C1orf174: variants seen among roughly 807,000 people sequenced by gnomAD.
C1orf174 encodes UPF0688 protein C1orf174.
Under a neutral mutation model 18.4 loss-of-function variants are expected in C1orf174, and 13 were observed. The observed-to-expected ratio is 0.71, with a 90% confidence interval of 0.46 to 1.12. The LOEUF (loss-of-function observed/expected upper bound fraction) is 1.12. Ranked by LOEUF, C1orf174 falls within the 50% of genes most tolerant of loss-of-function variation. The probability of loss-of-function intolerance (pLI) is 0.00; values close to 1 mark genes in which losing one functional copy is unlikely to be tolerated. For missense variants in C1orf174, 309 were observed against 308.0 expected (o/e 1.00, Z -0.02); for synonymous variants, 100 against 118.3 (o/e 0.85, Z 1.01).
chr1:3,897,123 C>G (rs1355517314), intron 1 of C1orf174, among the ~76,000 whole-genome samples: 1 of 152,026 alleles, frequency 6.6e-6, no homozygotes, highest in Non-Finnish European at 1.5e-5. Context: ...ATAATTCCAA[C>G]AAAAAATTAT....
chr1:3,890,568 C>G lies in C1orf174; in HGVS notation c.618+1G>C. The G allele has an allele frequency of 1.2e-6, 2 of 1,613,920 alleles. No homozygotes were observed. The highest frequency in any genetic ancestry group is 2.2e-5 in the South Asian group (2 of 91,080). Reference sequence around the variant, plus strand: ...CGGGAGGAGGAAGGCGCCGCTCTTACCTGCATGAGCTCAACGTTTCCAAAG... The same window carrying G: ...CGGGAGGAGGAAGGCGCCGCTCTTAGCTGCATGAGCTCAACGTTTCCAAAG... On this transcript the variant is annotated splice_donor_variant, in intron 3 of 3. Transcript: ENST00000361605. LOFTEE classifies it high-confidence loss of function.
chr1:3,894,762 C>A (rs1325556270), intron 1 of C1orf174, among the ~76,000 whole-genome samples: 1 of 152,162 alleles, frequency 6.6e-6, no homozygotes, highest in Non-Finnish European at 1.5e-5. Flanking sequence ...CAGGCAGCAG[C>A]CCACCGGAGG....
intron 2 of C1orf174, 48 bp downstream of exon 2, chr1:3,892,834 TG>T: frequency 4.4e-6 from 7 of 1,592,832 alleles, no homozygotes; most frequent in Non-Finnish European, 6.0e-6. Context: ...TGTATAAAAA[TG>T]GACCCTCGAG....
At position 3,890,597 on chromosome 1, in the gene C1orf174, C is replaced by T. The variant is rs776552583; in HGVS notation, c.590G>A (p.Arg197Gln). 1.1e-5 allele frequency: 18 copies of T among 1,614,088 alleles called. No individual in the cohort carries two copies. The highest frequency in any genetic ancestry group is 2.2e-5 in the East Asian group (1 of 44,880). ...CATGAGCTCAACGTTTCCAAAGAAC[C>T]GGCTCACGGGCATTGGCTGATTGCT... ...DDSNQPMPVS[R>Q]FFGNVELMQD... The change falls in exon 3 of 4, where the codon CGG becomes CAG. Residue 197 changes from arginine (R) to glutamine (Q), a missense_variant. Physicochemically the swap from Arg to Gln is conservative, Grantham distance 43. Transcript: ENST00000361605.
Position 3,889,806 on chromosome 1 carries a change from A to G in C1orf174, c.*154T>C. On this transcript the variant is annotated 3_prime_UTR_variant, in exon 4 of 4. Coordinates refer to ENST00000361605, the MANE Select transcript of C1orf174 (RefSeq NM_207356.3). ...TCCCATGAGTACATCCTCCACAGGTATTGGGTGCTTTGCACTATTGACTTA... is the reference window on the plus strand; with the variant it reads ...TCCCATGAGTACATCCTCCACAGGTGTTGGGTGCTTTGCACTATTGACTTA... The G allele has an allele frequency of 7.0e-6, 5 of 711,506 alleles. No individual in the cohort carries two copies. Among genetic ancestry groups the G allele is most frequent in the Non-Finnish European group, 1.2e-5 (5 of 400,944 alleles). The allele number at this position is 711,506 out of a possible 1,614,324, so 44.1% of individuals were successfully genotyped here.
intron 2 of C1orf174, chr1:3,891,919 C>A (rs1007824444): frequency 2.0e-6 from 1 of 496,730 alleles, no homozygotes; most frequent in Non-Finnish European, 2.5e-6. Flanking sequence ...CGGGTCTAGA[C>A]ACACACACGG....
At position 3,889,325 on chromosome 1, in the gene C1orf174, G is replaced by A. The variant is rs1638441976; in HGVS notation, c.*635C>T. 1 of 152,274 alleles carries A rather than the reference G, an allele frequency of 6.6e-6. No homozygotes were observed. The highest frequency in any genetic ancestry group is 2.1e-4 in the South Asian group (1 of 4,832). The allele number at this position is 152,274 out of a possible 1,614,324, so 9.4% of individuals were successfully genotyped here. A position where few individuals can be genotyped will look rare whatever the true frequency, so the allele number is the denominator to read the frequency against. Reference sequence around the variant, plus strand: ...AGCTACTGAGCTGAAGTGAAGAGCTGTCTTTACAAAGATCCCTCTCATTAA... The same window carrying A: ...AGCTACTGAGCTGAAGTGAAGAGCTATCTTTACAAAGATCCCTCTCATTAA... On this transcript the variant is annotated 3_prime_UTR_variant, in exon 4 of 4. Transcript: ENST00000361605.
At chr1:3,896,026 ATACAT>A (rs1218262409) in intron 1 of C1orf174, 2 of 152,676 alleles carry the variant, frequency 1.3e-5, no homozygotes, top group African/African-American at 4.8e-5. Context: ...GAACACCTAC[ATACAT>A]TTGGTAAGGA....
chr1:3,894,122 GAA>G lies in C1orf174; in HGVS notation c.16-1128_16-1127del, dbSNP rs1638562024. Among the ~76,000 whole-genome samples, 6 of 152,208 alleles carry G rather than the reference GAA, an allele frequency of 3.9e-5. No homozygotes were observed. In the South Asian group the frequency reaches 1.2e-3, roughly 32 times the overall value. ...ATACCACACTGCACTTAGAAAACTC[GAA>G]AGGAATGAGTGTGAGTAGTAGAAGC... is the stretch of plus-strand genomic sequence containing the variant. On this transcript the variant is annotated intron_variant, in intron 1 of 3. Coordinates refer to ENST00000361605, the MANE Select transcript of C1orf174 (RefSeq NM_207356.3).
intron 1 of C1orf174, among the ~76,000 whole-genome samples, chr1:3,899,260 C>G (rs1638662552): frequency 6.6e-6 from 1 of 152,198 alleles, no homozygotes; most frequent in African/African-American, 2.4e-5. Context: ...TACCAGACTG[C>G]ATTTTAAAAA....
At chr1:3,894,803 C>T (rs966853093) in intron 1 of C1orf174, among the ~76,000 whole-genome samples, 5 of 152,094 alleles carry the variant, frequency 3.3e-5, no homozygotes, top group East Asian at 3.9e-4. Context: ...ACACAGGACA[C>T]GCCAGTTGCC....
rs547145610 is a variant in C1orf174 at position 3,889,981 on chromosome 1, G to A, written c.711C>T (p.Asp237=). The A allele has an allele frequency of 9.3e-6, 15 of 1,613,996 alleles. No homozygotes were observed. Among genetic ancestry groups the A allele is most frequent in the Admixed American group, 6.7e-5 (4 of 60,010 alleles). Residue 237 remains aspartate (D), a synonymous_variant, in exon 4 of 4, where the codon GAC becomes GAT. Transcript: ENST00000361605. Reference sequence around the variant, plus strand: ...GCCCCTACATTTCTGCATCATCGTCGTCGTCATCATCATCATCTTTGGCTC... The same window carrying A: ...GCCCCTACATTTCTGCATCATCGTCATCGTCATCATCATCATCTTTGGCTC... The part of the protein sequence containing the change: ...HFRAKDDDDD[D]DDDAEM
At chr1:3,891,712 C>G in intron 2 of C1orf174, 3 of 986,092 alleles carry the variant, frequency 3.0e-6, no homozygotes, top group Non-Finnish European at 3.6e-6. Flanking sequence ...CCCACCCACT[C>G]TGCCTTTCTC....
chr1:3,893,879 G>T (rs1638557319), intron 1 of C1orf174, among the ~76,000 whole-genome samples: 1 of 152,208 alleles, frequency 6.6e-6, no homozygotes, highest in African/African-American at 2.4e-5. Flanking sequence ...CTGGGTGACA[G>T]AGTGAGACAG....
chr1:3,890,386 G>A (rs1055905154), intron 3 of C1orf174, among the ~76,000 whole-genome samples, 183 bp downstream of exon 3: 5 of 152,166 alleles, frequency 3.3e-5, no homozygotes, highest in African/African-American at 2.4e-5. Flanking sequence ...TTCTCAGCTC[G>A]GGAGATGCAG....
intron 3 of C1orf174, among the ~76,000 whole-genome samples, 176 bp downstream of exon 3, chr1:3,890,393 G>T (rs1396035167): frequency 6.6e-6 from 1 of 152,208 alleles, no homozygotes; most frequent in Non-Finnish European, 1.5e-5. Context: ...CTCGGGAGAT[G>T]CAGGGAGAGC....
At position 3,889,164 on chromosome 1, in the gene C1orf174, C is replaced by T. The variant is rs1234821319; in HGVS notation, c.*796G>A. On this transcript the variant is annotated 3_prime_UTR_variant, in exon 4 of 4. Coordinates refer to ENST00000361605, the MANE Select transcript of C1orf174 (RefSeq NM_207356.3). ...CAAAATATATTTTATTTCTTTCTTA[C>T]ATGTATTTTGCAAAATTTCCAAGGT... is the stretch of plus-strand genomic sequence containing the variant. 2 of 152,188 alleles carry T rather than the reference C, an allele frequency of 1.3e-5. No homozygotes were observed. The highest frequency in any genetic ancestry group is 2.9e-5 in the Non-Finnish European group (2 of 68,036). The allele number at this position is 152,188 out of a possible 1,614,324, so 9.4% of individuals were successfully genotyped here.
intron 1 of C1orf174, 22 bp from the exon 2 acceptor site, chr1:3,893,018 CAG>C: frequency 3.1e-6 from 5 of 1,610,716 alleles, no homozygotes; most frequent in Non-Finnish European, 3.4e-6. Context: ...GAGAGCCACT[CAG>C]AGAGTGCTCT....
At chr1:3,890,402 GCCC>G (rs1029571190) in intron 3 of C1orf174, among the ~76,000 whole-genome samples, 164 bp downstream of exon 3, 1 of 152,164 alleles carries the variant, frequency 6.6e-6, no homozygotes, top group Non-Finnish European at 1.5e-5. Flanking sequence ...TGCAGGGAGA[GCCC>G]CCAATTAGCC....
Sources: gnomAD v4.1 joint callset for allele counts (sites outside exome capture counted in the v4.1 genomes callset) on GRCh38, gnomAD v4.1.1 for gene constraint, MANE v1.5 for transcripts, NCBI Gene and HGNC (gene_info 2026-07-23, HGNC 2026-07-21) for gene names.